TMEM131: variants seen among roughly 807,000 people sequenced by gnomAD.
The protein encoded by TMEM131 is transmembrane protein 131.
Under a neutral mutation model 211.6 loss-of-function variants are expected in TMEM131, and 66 were observed. The ratio of observed to expected loss-of-function variants is 0.31; its 90% CI spans 0.26 to 0.38. The LOEUF is 0.38. Among genes scored for constraint, TMEM131 ranks in the 10% least tolerant of loss-of-function variants. TMEM131 has a pLI of 1.00. For synonymous variants in TMEM131, 844 were observed against 841.3 expected, an observed-to-expected ratio of 1.00 and a Z score of -0.06; for missense variants, 2,036 against 2,299.3, an observed-to-expected ratio of 0.89 and a Z score of 2.34.
chr2:97,765,593 G>A (rs1040845221), intron 35 of TMEM131, among the ~76,000 whole-genome samples: 1 of 152,208 alleles, frequency 6.6e-6, no homozygotes, highest in Admixed American at 6.5e-5. Flanking sequence ...TGTGCCTACT[G>A]TCTTGATTTA....
intron 1 of TMEM131, among the ~76,000 whole-genome samples, chr2:97,968,750 C>G (rs1679165121): frequency 6.6e-6 from 1 of 152,140 alleles, no homozygotes; most frequent in Non-Finnish European, 1.5e-5. Flanking sequence ...CCCAACTTCT[C>G]ATTTGAACCA....
chr2:97,902,037 A>C (rs560918946), intron 3 of TMEM131, among the ~76,000 whole-genome samples: 1 of 152,286 alleles, frequency 6.6e-6, no homozygotes, highest in South Asian at 2.1e-4. Flanking sequence ...CAGTCTATGC[A>C]TGTATCAAAC....
chr2:97,861,569 T>C (rs1335665499), intron 4 of TMEM131, among the ~76,000 whole-genome samples: 2 of 151,676 alleles, frequency 1.3e-5, no homozygotes, highest in East Asian at 3.9e-4. Flanking sequence ...TGAATACTGG[T>C]GGTAGCCTGG....
intron 33 of TMEM131, among the ~76,000 whole-genome samples, chr2:97,767,606 G>C (rs1159538096): frequency 6.6e-6 from 1 of 152,216 alleles, no homozygotes; most frequent in African/African-American, 2.4e-5. Flanking sequence ...AATCCTCAGG[G>C]ATCTCTACAG....
rs115906722 is a variant in TMEM131, at chr2:97,757,387, C to T, written c.5368-4G>A. ...CGCTGGTGTTACCGAGGACCGACTG[C>T]GACAAAACAGAAAGCGTCCAGCACT... is the stretch of plus-strand genomic sequence containing the variant. On this transcript the variant is annotated splice_polypyrimidine_tract_variant and splice_region_variant and intron_variant, in intron 40 of 40. Transcript: ENST00000186436. The T allele has an allele frequency of 2.5e-3, 4,008 of 1,585,742 alleles. 86 individuals are homozygous for T. The African/African-American group carries it at 0.047, about 18-fold the overall frequency.
Position 97,766,470 on chromosome 2 carries a change from G to T in TMEM131, c.4573+8C>A. ...AAGACATGATCATAGAGAACAAGAT[G>T]ACAATACCTTTTGTTTTCTGGGCAT... On this transcript the variant is annotated splice_region_variant and intron_variant, in intron 34 of 40. Transcript: ENST00000186436. 2 of 1,613,870 alleles carry T rather than the reference G, an allele frequency of 1.2e-6. No individual in the cohort carries two copies. Among genetic ancestry groups the T allele is most frequent in the South Asian group, 2.2e-5 (2 of 91,006 alleles).
At chr2:97,943,139 T>G (rs1029214318) in intron 1 of TMEM131, among the ~76,000 whole-genome samples, 22 of 151,868 alleles carry the variant, frequency 1.4e-4, no homozygotes, top group Admixed American at 1.2e-3. Flanking sequence ...TTCCCACTAC[T>G]CAGGAGGCTG....
intron 1 of TMEM131, among the ~76,000 whole-genome samples, chr2:97,942,289 C>T (rs908554214): frequency 1.5e-5 from 2 of 129,510 alleles, no homozygotes; most frequent in African/African-American, 6.1e-5. Flanking sequence ...AACACTTGGA[C>T]ACAGGGTGGG....
At chr2:97,864,736 A>C (rs1186216980) in intron 4 of TMEM131, among the ~76,000 whole-genome samples, 2 of 152,226 alleles carry the variant, frequency 1.3e-5, no homozygotes, top group Admixed American at 6.5e-5. Flanking sequence ...AGGCTGCCTT[A>C]AAGTGGCAGG....
intron 1 of TMEM131, among the ~76,000 whole-genome samples, chr2:97,972,428 G>C (rs1679338167): frequency 1.7e-5 from 2 of 118,630 alleles, no homozygotes; most frequent in Middle Eastern, 6.6e-3. Context: ...GGAAAGAAAG[G>C]AAAGAAAGGG....
At position 97,995,679 on chromosome 2, in the gene TMEM131, C is replaced by A; in HGVS notation, c.-17G>T. The A allele has an allele frequency of 1.7e-6, 2 of 1,198,110 alleles. No individual in the cohort carries two copies. Among genetic ancestry groups the A allele is most frequent in the Non-Finnish European group, 2.1e-6 (2 of 965,808 alleles). 74.2% of individuals were successfully genotyped at this position (1,198,110 alleles called of 1,614,324 possible). A position where few individuals can be genotyped will look rare whatever the true frequency, so the allele number is the denominator to read the frequency against. On this transcript the variant is annotated 5_prime_UTR_variant, in exon 1 of 41. Transcript: ENST00000186436. Reference sequence around the variant, plus strand: ...CTTCCCCATCCCTGCCGGCCGGGGGCCGCCGCGCTCGAGGTCCGGCGCGGC... The same window carrying A: ...CTTCCCCATCCCTGCCGGCCGGGGGACGCCGCGCTCGAGGTCCGGCGCGGC...
intron 1 of TMEM131, among the ~76,000 whole-genome samples, chr2:97,969,660 A>T (rs1679211930): frequency 6.6e-6 from 1 of 152,220 alleles, no homozygotes; most frequent in African/African-American, 2.4e-5. Flanking sequence ...TATTTGGTGA[A>T]GATTATTCCA....
intron 5 of TMEM131, among the ~76,000 whole-genome samples, chr2:97,851,475 G>A (rs1478956942): frequency 5.3e-5 from 8 of 152,108 alleles, no homozygotes; most frequent in Non-Finnish European, 1.0e-4. Context: ...ATTTTATTGT[G>A]CTTTGCTTTA....
In TMEM131 at chr2:97,995,485, C is replaced by T. The variant is rs1171409401; in HGVS notation, c.178G>A (p.Glu60Lys). ...GCCGGGGGACACCCACCTTCCTTCT[C>T]GGCCCGCGCCGCAGCCACTACGAGG... ...MTLVVAAARAEKEAFVQSESI... is the reference protein window; with the variant it reads ...MTLVVAAARAKKEAFVQSESI... The change falls in exon 1 of 41, where the codon GAG becomes AAG. Residue 60 changes from glutamate (E) to lysine (K), a missense_variant. Glu to Lys is a moderately conservative substitution (Grantham distance 56, BLOSUM62 1). This residue lies in a region of TMEM131 where 136 missense variants were observed against 115.4 expected (regional missense o/e 1.18). Transcript: ENST00000186436. The T allele has an allele frequency of 7.1e-7, 1 of 1,406,798 alleles. No homozygotes were observed. The highest frequency in any genetic ancestry group is 1.5e-5 in the South Asian group (1 of 66,212). 87.1% of individuals were successfully genotyped at this position (1,406,798 alleles called of 1,614,324 possible). A position where few individuals can be genotyped will look rare whatever the true frequency, so the allele number is the denominator to read the frequency against.
At chr2:97,932,202 A>G (rs1305063256) in intron 1 of TMEM131, among the ~76,000 whole-genome samples, 1 of 151,964 alleles carries the variant, frequency 6.6e-6, no homozygotes, top group East Asian at 1.9e-4. Context: ...ATACATCAAT[A>G]TCTCTTTTAC....
At chr2:97,993,672 C>G (rs548287989) in intron 1 of TMEM131, among the ~76,000 whole-genome samples, 26 of 152,326 alleles carry the variant, frequency 1.7e-4, no homozygotes, top group African/African-American at 6.3e-4. Flanking sequence ...GATTCAACCA[C>G]CCCTTTAATA....
At chr2:97,847,787 G>A (rs1446095121) in intron 5 of TMEM131, among the ~76,000 whole-genome samples, 1 of 152,100 alleles carries the variant, frequency 6.6e-6, no homozygotes, top group African/African-American at 2.4e-5. Flanking sequence ...TTTGAAAATT[G>A]TACTATGATT....
chr2:97,759,173 TCAC>T, intron 39 of TMEM131, 120 bp from the exon 40 acceptor site: 1 of 1,261,266 alleles, frequency 7.9e-7, no homozygotes. Context: ...CACACCCACT[TCAC>T]CAGCCCACCA....
intron 11 of TMEM131, among the ~76,000 whole-genome samples, chr2:97,819,873 T>A (rs1239133370): frequency 7.9e-5 from 12 of 152,224 alleles, no homozygotes; most frequent in Non-Finnish European, 1.5e-5. Flanking sequence ...CGCCCGTTTA[T>A]AAAGGTGAAA....
Sources: allele counts gnomAD v4.1 joint callset (sites outside exome capture counted in the v4.1 genomes callset), GRCh38; gene constraint gnomAD v4.1.1; regional missense constraint gnomAD v4.1.1; transcripts MANE v1.5; gene names NCBI Gene and HGNC (gene_info 2026-07-23, HGNC 2026-07-21).